Variants in NOL4L observed in about 807,000 individuals in gnomAD.
NOL4L encodes nucleolar protein 4-like.
In NOL4L, 7 loss-of-function variants were observed where a neutral mutation model predicts 64.5. The ratio of observed to expected loss-of-function variants is 0.11; its 90% CI spans 0.06 to 0.20. NOL4L has a LOEUF of 0.20. Among genes scored for constraint, NOL4L ranks in the 10% least tolerant of loss-of-function variants. The pLI is 1.00. For missense variants in NOL4L, 680 were observed against 967.1 expected, an observed-to-expected ratio of 0.70 and a Z score of 3.94; for synonymous variants, 413 against 401.0, an observed-to-expected ratio of 1.03 and a Z score of -0.36.
intron 1 of NOL4L, among the ~76,000 whole-genome samples, chr20:32,541,872 T>C (rs2018661739): frequency 6.6e-6 from 1 of 152,280 alleles, no homozygotes; most frequent in African/African-American, 2.4e-5. Flanking sequence ...ATGGGGGTTT[T>C]GTCCAGAGCT....
chr20:32,529,119 G>T (rs1485188005), intron 1 of NOL4L, among the ~76,000 whole-genome samples: 1 of 152,198 alleles, frequency 6.6e-6, no homozygotes, highest in South Asian at 2.1e-4. Context: ...GCTGGGCAGG[G>T]TCACTTGGAC....
chr20:32,511,274 C>A, intron 4 of NOL4L, 73 bp downstream of exon 4: 1 of 933,898 alleles, frequency 1.1e-6, no homozygotes, highest in Admixed American at 2.2e-5. Flanking sequence ...GGCCCCAAGT[C>A]TTGGAAAGAA....
chr20:32,548,473 GGATCAGAAGTCGGATA>G (rs1305836592), intron 1 of NOL4L: 1 of 154,126 alleles, frequency 6.5e-6, no homozygotes, highest in East Asian at 1.9e-4. Context: ...AAAATAAACA[GGATCAGAAGTCGGATA>G]GATCATGTGA....
chr20:32,500,934 A>C (rs1047187243), intron 4 of NOL4L, among the ~76,000 whole-genome samples: 2 of 152,242 alleles, frequency 1.3e-5, no homozygotes, highest in African/African-American at 2.4e-5. Context: ...GAATAAATTA[A>C]TAAGTGGGGG....
intron 3 of NOL4L, among the ~76,000 whole-genome samples, chr20:32,513,322 A>G (rs547518326): frequency 4.0e-4 from 61 of 152,260 alleles, no homozygotes; most frequent in African/African-American, 1.3e-3. Context: ...AACCTTGAAA[A>G]CGCGATACCA....
rs1172014367 is a variant in NOL4L at position 32,463,389 on chromosome 20, GC to G, written c.842-6995del. On this transcript the variant is annotated intron_variant, in intron 5 of 10. Coordinates refer to ENST00000621426, the MANE Select transcript of NOL4L (RefSeq NM_001256798.2). The surrounding 1 kb of genome is among the most constrained non-coding windows in gnomAD (Gnocchi z 5.8). ...AGTGTGATGAAAGCAGGGTGGGCCT[GC>G]CCCCAGCCCATGGCTGCGTGGGCAG... Among the ~76,000 whole-genome samples the G allele has an allele frequency of 1.3e-5, 2 of 152,182 alleles. No homozygotes were observed. The highest frequency in any genetic ancestry group is 2.4e-5 in the African/African-American group (1 of 41,440).
intron 4 of NOL4L, among the ~76,000 whole-genome samples, chr20:32,492,955 G>A (rs1462937046): frequency 1.3e-5 from 2 of 152,188 alleles, no homozygotes; most frequent in Non-Finnish European, 2.9e-5. Flanking sequence ...GCCAGGCCAC[G>A]TGGTGCTGCG....
intron 4 of NOL4L, among the ~76,000 whole-genome samples, chr20:32,491,437 T>A (rs2016466023): frequency 1.3e-5 from 2 of 152,244 alleles, no homozygotes; most frequent in Non-Finnish European, 2.9e-5. Flanking sequence ...GCCGCCCAGC[T>A]GGCTCTGAAC....
chr20:32,506,412 A>G (rs1397535656), intron 4 of NOL4L, among the ~76,000 whole-genome samples: 1 of 152,076 alleles, frequency 6.6e-6, no homozygotes, highest in Non-Finnish European at 1.5e-5. Context: ...TTGTAATCCC[A>G]GCACTTTGGG....
chr20:32,463,469 C>T lies in NOL4L; in HGVS notation c.842-7074G>A, dbSNP rs996354357. Among the ~76,000 whole-genome samples, 1 of 152,214 alleles carries T rather than the reference C, an allele frequency of 6.6e-6. No homozygotes were observed. Among genetic ancestry groups the T allele is most frequent in the Admixed American group, 6.5e-5 (1 of 15,288 alleles). On this transcript the variant is annotated intron_variant, in intron 5 of 10. Coordinates refer to ENST00000621426, the MANE Select transcript of NOL4L (RefSeq NM_001256798.2). The surrounding 1 kb of genome is among the most constrained non-coding windows in gnomAD (Gnocchi z 5.8). The stretch of plus-strand genomic sequence containing the variant: ...AAGCAGCCCGGGATGCACCCCCTCT[C>T]AGCATTTCCACAAAACCAGGCCCTC...
At position 32,463,793 on chromosome 20, in the gene NOL4L, C is replaced by T. The variant is rs1001791867; in HGVS notation, c.842-7398G>A. The stretch of plus-strand genomic sequence containing the variant: ...GTGCGAACCACCAATCGCCACACCG[C>T]GCTCTGGGGCCCACAGCCAGTGGCA... On this transcript the variant is annotated intron_variant, in intron 5 of 10. Coordinates refer to ENST00000621426, the MANE Select transcript of NOL4L (RefSeq NM_001256798.2). The surrounding 1 kb of genome is among the most constrained non-coding windows in gnomAD (Gnocchi z 5.8). Among the ~76,000 whole-genome samples, 13 of 152,174 alleles carry T rather than the reference C, an allele frequency of 8.5e-5. No homozygotes were observed. The highest frequency in any genetic ancestry group is 2.2e-4 in the African/African-American group (9 of 41,442).
At chr20:32,556,201 G>A (rs1185884225) in intron 1 of NOL4L, among the ~76,000 whole-genome samples, 9 of 150,686 alleles carry the variant, frequency 6.0e-5, no homozygotes, top group Non-Finnish European at 1.0e-4. Flanking sequence ...TCTATTCCCC[G>A]ACCAAAACAG....
At chr20:32,496,098 C>T (rs1350662762) in intron 4 of NOL4L, among the ~76,000 whole-genome samples, 1 of 152,176 alleles carries the variant, frequency 6.6e-6, no homozygotes, top group Non-Finnish European at 1.5e-5. Context: ...AACACATGTG[C>T]ACCCGGCTGG....
At chr20:32,482,158 T>C (rs978088652) in intron 4 of NOL4L, among the ~76,000 whole-genome samples, 2 of 152,078 alleles carry the variant, frequency 1.3e-5, no homozygotes, top group Non-Finnish European at 2.9e-5. Context: ...ATCAATGTTT[T>C]AGAGGGGGAA....
intron 1 of NOL4L, among the ~76,000 whole-genome samples, chr20:32,554,292 G>T (rs2145607409): frequency 7.2e-6 from 1 of 138,484 alleles, no homozygotes; most frequent in Non-Finnish European, 1.5e-5. Context: ...CTGCACTCCA[G>T]CCTGGGCGAC....
chr20:32,541,738 C>T (rs559371592), intron 1 of NOL4L, among the ~76,000 whole-genome samples: 58 of 152,360 alleles, frequency 3.8e-4, no homozygotes, highest in Non-Finnish European at 7.2e-4. Context: ...GCTGAGCTGG[C>T]GGGGTAAATG....
At chr20:32,513,758 G>A (rs992466491) in intron 3 of NOL4L, among the ~76,000 whole-genome samples, 1 of 152,058 alleles carries the variant, frequency 6.6e-6, no homozygotes, top group Admixed American at 6.6e-5. Context: ...CCAGCTACTC[G>A]GGAGGCTGAG....
chr20:32,550,678 G>C (rs2018788570), intron 1 of NOL4L, among the ~76,000 whole-genome samples: 1 of 152,110 alleles, frequency 6.6e-6, no homozygotes. Flanking sequence ...TCAGGAGTTG[G>C]AGACCAGACT....
intron 5 of NOL4L, among the ~76,000 whole-genome samples, chr20:32,472,933 C>A (rs1428081227): frequency 6.6e-6 from 1 of 152,152 alleles, no homozygotes; most frequent in Non-Finnish European, 1.5e-5. Flanking sequence ...AGCCTCCCTG[C>A]ATCTCTCAGC....
Sources: allele counts gnomAD v4.1 joint callset (sites outside exome capture counted in the v4.1 genomes callset), GRCh38; gene constraint gnomAD v4.1.1; non-coding constraint Gnocchi (gnomAD v3.1); transcripts MANE v1.5; gene names NCBI Gene and HGNC (gene_info 2026-07-23, HGNC 2026-07-21).